Variants in KHDRBS2 observed in about 807,000 individuals in gnomAD.
KHDRBS2 encodes the protein KH domain-containing, RNA-binding, signal transduction-associated protein 2.
In KHDRBS2, 26 loss-of-function variants were observed where a neutral mutation model predicts 44.3. That is an observed-to-expected ratio of 0.59 (90% CI 0.43 to 0.81). The LOEUF (loss-of-function observed/expected upper bound fraction) is 0.81, where lower values mean the gene tolerates loss of function less well. Ranked by LOEUF, KHDRBS2 falls within the 40% of genes least tolerant of loss-of-function variation. The probability of loss-of-function intolerance (pLI) is 0.00; values close to 1 mark genes in which losing one functional copy is unlikely to be tolerated. For missense variants in KHDRBS2, 476 were observed against 433.1 expected, an observed-to-expected ratio of 1.10 and a Z score of -0.88; for synonymous variants, 194 against 151.1, an observed-to-expected ratio of 1.28 and a Z score of -2.08.
At chr6:61,974,864 G>A (rs773650809) in intron 4 of KHDRBS2, among the ~76,000 whole-genome samples, 17 of 151,908 alleles carry the variant, frequency 1.1e-4, no homozygotes, top group Non-Finnish European at 1.5e-4. Flanking sequence ...CCAGGAGGTG[G>A]AGGTTGCAGT....
intron 1 of KHDRBS2, among the ~76,000 whole-genome samples, chr6:62,279,761 T>C (rs6918262): frequency 0.21 from 32,665 of 152,082 alleles, 4,629 homozygotes; most frequent in African/African-American, 0.41. Flanking sequence ...AAGTGAGGTC[T>C]TAGCATGTGC....
chr6:62,192,059 T>C (rs186977646), intron 1 of KHDRBS2, among the ~76,000 whole-genome samples: 4 of 152,184 alleles, frequency 2.6e-5, no homozygotes, highest in Admixed American at 2.0e-4. Context: ...CTGAAAGTTT[T>C]GGATTGACAT....
At chr6:61,835,817 A>C (rs1296837591) in intron 6 of KHDRBS2, among the ~76,000 whole-genome samples, 2 of 151,752 alleles carry the variant, frequency 1.3e-5, no homozygotes, top group African/African-American at 2.4e-5. Flanking sequence ...GGTACTAAGA[A>C]AATTAATAAT....
intron 6 of KHDRBS2, among the ~76,000 whole-genome samples, chr6:61,884,663 C>G (rs1197572609): frequency 6.6e-6 from 1 of 152,118 alleles, no homozygotes; most frequent in Non-Finnish European, 1.5e-5. Flanking sequence ...GTGCCTTTAC[C>G]TGCACATAAC....
intron 1 of KHDRBS2, among the ~76,000 whole-genome samples, chr6:62,272,254 A>G (rs1840212908): frequency 6.6e-6 from 1 of 152,124 alleles, no homozygotes; most frequent in African/African-American, 2.4e-5. Context: ...GTGTGAGTAC[A>G]CTTTCTGATG....
At chr6:62,206,904 A>C (rs1037863347) in intron 1 of KHDRBS2, among the ~76,000 whole-genome samples, 2 of 152,060 alleles carry the variant, frequency 1.3e-5, no homozygotes, top group African/African-American at 4.8e-5. Flanking sequence ...TTAACTTGAA[A>C]TTTCAATCCT....
At chr6:61,561,626 C>A in the KHDRBS2 span, among the ~76,000 whole-genome samples, 1 of 152,108 alleles carries the variant, frequency 6.6e-6, no homozygotes, top group Non-Finnish European at 1.5e-5. Flanking sequence ...CATGGTCACC[C>A]CCACAACAGA....
intron 2 of KHDRBS2, among the ~76,000 whole-genome samples, chr6:62,146,997 A>G (rs1197992171): frequency 1.3e-5 from 2 of 151,970 alleles, no homozygotes; most frequent in Non-Finnish European, 2.9e-5. Context: ...CCCAGCAGTT[A>G]TATTTACACT....
At chr6:62,136,993 C>CTTTTTTTTTTTTTTT (rs141092447) in intron 2 of KHDRBS2, among the ~76,000 whole-genome samples, 11 of 78,320 alleles carry the variant, frequency 1.4e-4, no homozygotes, top group South Asian at 4.8e-4. Flanking sequence ...TCTTTCTTTT[C>CTTTTTTTTTTTTTTT]TTTTTTTTTT....
chr6:62,185,934 CA>C (rs1316471978), intron 1 of KHDRBS2, among the ~76,000 whole-genome samples: 5 of 151,900 alleles, frequency 3.3e-5, no homozygotes, highest in African/African-American at 1.2e-4. Flanking sequence ...AAGATAAGAC[CA>C]CAACCTAACA....
chr6:61,751,583 C>CA (rs1311155331), intron 6 of KHDRBS2, among the ~76,000 whole-genome samples: 1 of 152,164 alleles, frequency 6.6e-6, no homozygotes, highest in Non-Finnish European at 1.5e-5. Flanking sequence ...CACTTAAAAA[C>CA]ATAACACTTA....
At chr6:61,720,570 T>C (rs1421992153) in intron 7 of KHDRBS2, among the ~76,000 whole-genome samples, 1 of 152,238 alleles carries the variant, frequency 6.6e-6, no homozygotes, top group Admixed American at 6.5e-5. Flanking sequence ...GCAGCATAAA[T>C]GTCTTCTTTT....
chr6:62,095,591 C>G (rs994745889), intron 2 of KHDRBS2, among the ~76,000 whole-genome samples: 1 of 151,766 alleles, frequency 6.6e-6, no homozygotes, highest in Non-Finnish European at 1.5e-5. Flanking sequence ...AAGAAATCAC[C>G]TAACAATGCA....
intron 4 of KHDRBS2, among the ~76,000 whole-genome samples, chr6:61,911,900 C>A (rs1010279584): frequency 1.3e-5 from 2 of 151,480 alleles, no homozygotes; most frequent in Admixed American, 1.3e-4. Flanking sequence ...AAAAAAAACA[C>A]CCTGCATACT....
At chr6:62,128,961 CTT>C (rs1185492453) in intron 2 of KHDRBS2, among the ~76,000 whole-genome samples, 1 of 152,000 alleles carries the variant, frequency 6.6e-6, no homozygotes, top group East Asian at 1.9e-4. Context: ...CAGAAAATAA[CTT>C]ATTCCATATA....
intron 2 of KHDRBS2, among the ~76,000 whole-genome samples, chr6:62,129,717 A>T (rs116360066): frequency 0.019 from 2,917 of 151,610 alleles, 86 homozygotes; most frequent in African/African-American, 0.065. Flanking sequence ...TAGCATTAAA[A>T]TTTTTTTTTC....
intron 2 of KHDRBS2, among the ~76,000 whole-genome samples, chr6:62,110,912 G>A (rs1804854459): frequency 6.6e-6 from 1 of 151,858 alleles, no homozygotes; most frequent in Non-Finnish European, 1.5e-5. Context: ...AAAGTAAAGT[G>A]GTAATTTAAT....
intron 2 of KHDRBS2, among the ~76,000 whole-genome samples, chr6:62,065,149 A>C (rs1224645704): frequency 6.6e-6 from 1 of 150,954 alleles, no homozygotes; most frequent in Non-Finnish European, 1.5e-5. Context: ...GCTGGAGAGG[A>C]TGTGGAGAAA....
At chr6:62,098,912 G>T (rs1456874890) in intron 2 of KHDRBS2, among the ~76,000 whole-genome samples, 67 of 151,366 alleles carry the variant, frequency 4.4e-4, no homozygotes, top group Admixed American at 4.4e-3. Context: ...GATGTAGTCT[G>T]CTGTTGATGC....
Sources: gnomAD v4.1 joint callset for allele counts (sites outside exome capture counted in the v4.1 genomes callset) on GRCh38, gnomAD v4.1.1 for gene constraint, MANE v1.5 for transcripts, NCBI Gene and HGNC (gene_info 2026-07-23, HGNC 2026-07-21) for gene names.